Variants in SOX5 observed in about 807,000 individuals in gnomAD.
SOX5 encodes the protein SRY-box transcription factor 5.
SOX5 carries 9 observed loss-of-function variants against 92.0 expected under a neutral mutation model. The ratio of observed to expected loss-of-function variants is 0.10; its 90% confidence interval spans 0.06 to 0.17. The LOEUF is 0.17. SOX5 is among the 10% of genes least tolerant of loss of function. The pLI is 1.00. For synonymous variants in SOX5, 344 were observed against 336.3 expected (o/e 1.02, Z -0.25); for missense variants, 642 against 944.5 (o/e 0.68, Z 4.20).
chr12:23,956,684 CT>C (rs34173854), intron 4 of SOX5, among the ~76,000 whole-genome samples: 2,304 of 149,418 alleles, frequency 0.015, 73 homozygotes, highest in African/African-American at 0.052. Flanking sequence ...TTGCCTAAGT[CT>C]TTTTTTTTTA....
Position 23,532,191 on chromosome 12 carries a change from A to AAAAC in SOX5, c.*2024_*2027dup, listed in dbSNP as rs964785559. Reference sequence around the variant, plus strand: ...AGTTCAAATGTAAATAAAGTCATCAAAAACAAACAAACAGAAAAACAAACA... The same window carrying AAAAC: ...AGTTCAAATGTAAATAAAGTCATCAAAAACAAACAAACAAACAGAAAAACAAACA... On this transcript the variant is annotated 3_prime_UTR_variant, in exon 15 of 15. Coordinates refer to ENST00000451604, the MANE Select transcript of SOX5 (RefSeq NM_006940.6). 1.8e-4 allele frequency: 27 copies of AAAAC among 152,098 alleles called. No individual in the cohort carries two copies. Among genetic ancestry groups the AAAAC allele is most frequent in the African/African-American group, 5.3e-4 (22 of 41,530 alleles). 9.4% of individuals were successfully genotyped at this position (152,098 alleles called of 1,614,324 possible). A position where few individuals can be genotyped will look rare whatever the true frequency, so the allele number is the denominator to read the frequency against.
chr12:24,012,811 G>T (rs1953106424), intron 4 of SOX5, among the ~76,000 whole-genome samples: 1 of 152,104 alleles, frequency 6.6e-6, no homozygotes, highest in South Asian at 2.1e-4. Flanking sequence ...GTGAACAGGG[G>T]TAAATCAGTG....
chr12:23,733,156 A>T (rs2093455070), intron 6 of SOX5, among the ~76,000 whole-genome samples: 1 of 152,164 alleles, frequency 6.6e-6, no homozygotes, highest in African/African-American at 2.4e-5. Flanking sequence ...ATTCTGTTTA[A>T]CAAAGGACTT....
chr12:24,157,837 C>T (rs955738063), intron 4 of SOX5, among the ~76,000 whole-genome samples: 17 of 152,088 alleles, frequency 1.1e-4, no homozygotes, highest in African/African-American at 4.1e-4. Context: ...CATGGCGCCG[C>T]ACATGGGCTT....
chr12:24,002,436 C>T (rs569558701), intron 4 of SOX5, among the ~76,000 whole-genome samples: 11 of 152,026 alleles, frequency 7.2e-5, no homozygotes, highest in Admixed American at 1.3e-4. Context: ...CATTGAAAAA[C>T]GTGATGCTAA....
intron 1 of SOX5, among the ~76,000 whole-genome samples, chr12:24,454,057 A>T (rs1052960647): frequency 2.6e-5 from 4 of 152,358 alleles, no homozygotes; most frequent in African/African-American, 9.6e-5. Flanking sequence ...GCTAAAAGCA[A>T]TGGTAGAGAG....
intron 2 of SOX5, among the ~76,000 whole-genome samples, chr12:24,345,337 G>A (rs1953100706): frequency 6.6e-6 from 1 of 152,160 alleles, no homozygotes; most frequent in Non-Finnish European, 1.5e-5. Context: ...AAACCTTCAA[G>A]CCTTCCTTTG....
intron 4 of SOX5, among the ~76,000 whole-genome samples, chr12:24,002,329 A>C (rs990788068): frequency 2.0e-5 from 3 of 151,998 alleles, no homozygotes; most frequent in Admixed American, 2.0e-4. Flanking sequence ...TGACCAAAAA[A>C]CAAAAAAAGT....
At chr12:23,860,305 A>T (rs201806467) in intron 2 of SOX5, among the ~76,000 whole-genome samples, 10 of 12,602 alleles carry the variant, frequency 7.9e-4, no homozygotes, top group African/African-American at 1.7e-3. Flanking sequence ...AAATAAATTT[A>T]AAAAAAAAAA....
intron 1 of SOX5, among the ~76,000 whole-genome samples, chr12:23,922,977 A>G (rs1233471901): frequency 1.3e-5 from 2 of 149,864 alleles, no homozygotes; most frequent in Non-Finnish European, 3.0e-5. Context: ...ACGGAGTCTC[A>G]CTGTGTCACC....
intron 7 of SOX5, among the ~76,000 whole-genome samples, chr12:23,656,213 TA>T (rs1417909551): frequency 2.0e-5 from 3 of 151,946 alleles, no homozygotes; most frequent in Non-Finnish European, 4.4e-5. Context: ...TAGAATTCAT[TA>T]AAGCCAGACA....
intron 1 of SOX5, among the ~76,000 whole-genome samples, chr12:24,425,628 G>C (rs766967455): frequency 6.6e-6 from 1 of 152,178 alleles, no homozygotes; most frequent in Non-Finnish European, 1.5e-5. Flanking sequence ...AGTTGCTGTA[G>C]ACAATTTTCC....
chr12:23,572,348 A>G (rs1948498103), intron 10 of SOX5, among the ~76,000 whole-genome samples: 2 of 152,266 alleles, frequency 1.3e-5, no homozygotes, highest in South Asian at 4.1e-4. Context: ...TACTCATTAA[A>G]GTTTCAGCTT....
At position 24,053,169 on chromosome 12, in the gene SOX5, C is replaced by T. The variant is rs915075526; in HGVS notation, c.-1-157145G>A. Among the ~76,000 whole-genome samples the T allele has an allele frequency of 1.5e-4, 23 of 148,864 alleles. 1 individual carries two copies. The highest frequency in any genetic ancestry group is 6.7e-5 in the Admixed American group (1 of 14,934). On this transcript the variant is annotated intron_variant, in intron 4 of 4. Transcript: ENST00000446891. ...TTTCCAGTAACTTTTGAAGCCAATG[C>T]TACTGCACGCCCCCCCCCTTTTTTT...
chr12:23,989,218 CAAAAA>C (rs554892984), intron 4 of SOX5, among the ~76,000 whole-genome samples: 1,775 of 104,468 alleles, frequency 0.017, 21 homozygotes, highest in Middle Eastern at 0.085. Flanking sequence ...GCCAAAAATA[CAAAAA>C]AAAAAAAAAA....
intron 1 of SOX5, among the ~76,000 whole-genome samples, chr12:23,943,420 T>C (rs1271993097): frequency 1.3e-5 from 2 of 152,064 alleles, no homozygotes; most frequent in Non-Finnish European, 2.9e-5. Context: ...CCTAAATGTC[T>C]CCAGATAAAA....
chr12:23,815,849 G>T (rs937687096), intron 3 of SOX5, among the ~76,000 whole-genome samples: 4 of 152,108 alleles, frequency 2.6e-5, no homozygotes, highest in Non-Finnish European at 5.9e-5. Context: ...TTTAGGATAG[G>T]GGTAGGCAAA....
intron 4 of SOX5, among the ~76,000 whole-genome samples, chr12:24,158,920 G>T (rs914283714): frequency 6.6e-6 from 1 of 151,840 alleles, no homozygotes; most frequent in African/African-American, 2.4e-5. Context: ...AATCAATGAA[G>T]TTGGTTTCTT....
chr12:23,870,232 AG>A (rs1019497918), intron 2 of SOX5, among the ~76,000 whole-genome samples: 8 of 152,088 alleles, frequency 5.3e-5, no homozygotes, highest in African/African-American at 1.7e-4. Context: ...AAAGAAGAAA[AG>A]GGTACACAGA....
Sources: gnomAD v4.1 joint callset for allele counts (sites outside exome capture counted in the v4.1 genomes callset) on GRCh38, gnomAD v4.1.1 for gene constraint, MANE v1.5 for transcripts, NCBI Gene and HGNC (gene_info 2026-07-23, HGNC 2026-07-21) for gene names.